WDR11: variants seen among roughly 807,000 people sequenced by gnomAD.
The protein encoded by WDR11 is WD repeat-containing protein 11.
A neutral mutation model predicts 151.2 loss-of-function variants in WDR11; 83 were observed. That is an observed-to-expected ratio of 0.55 (90% CI 0.46 to 0.66). WDR11 has a LOEUF of 0.66. WDR11 is among the 30% of genes least tolerant of loss of function. WDR11 has a pLI of 0.00. For missense variants in WDR11, 1,301 were observed against 1,480.9 expected (o/e 0.88, Z 1.99); for synonymous variants, 484 against 533.1 (o/e 0.91, Z 1.27).
At chr10:120,859,502 C>T (rs939542370) in intron 3 of WDR11, among the ~76,000 whole-genome samples, 1 of 151,980 alleles carries the variant, frequency 6.6e-6, no homozygotes, top group Non-Finnish European at 1.5e-5. Context: ...CTCCTGACTT[C>T]GTGATCCACC....
rs1376470964 is a variant in WDR11, at chr10:120,865,730, C to T, written c.980C>T (p.Ser327Leu). The T allele has an allele frequency of 6.2e-7, 1 of 1,600,038 alleles. No individual in the cohort carries two copies. The highest frequency in any genetic ancestry group is 8.6e-7 in the Non-Finnish European group (1 of 1,169,512). Residue 327 changes from serine to leucine, a missense_variant, in exon 7 of 29, where the codon TCA (serine) becomes TTA (leucine). Coordinates refer to ENST00000263461, the MANE Select transcript of WDR11 (RefSeq NM_018117.12). ...RRSYNNIFTT[S>L]NEEPDPDPVQ... ...TCTTATAATAACATTTTTACCACTT[C>T]AAATGAGGAACCAGGTGAGTTTCTG...
chr10:120,902,936 CA>C, intron 22 of WDR11, 118 bp from the exon 23 acceptor site: 1 of 1,064,180 alleles, frequency 9.4e-7, no homozygotes, highest in Non-Finnish European at 1.4e-6. Flanking sequence ...TGTCAGGCCC[CA>C]TGCCAGTATC....
At chr10:120,895,066 C>G (rs1355728795) in intron 19 of WDR11, among the ~76,000 whole-genome samples, 2 of 152,154 alleles carry the variant, frequency 1.3e-5, no homozygotes, top group Non-Finnish European at 2.9e-5. Flanking sequence ...TAAATGTTGT[C>G]TTGCTTGCAT....
At chr10:120,889,475 C>CA (rs1847344659) in intron 17 of WDR11, 1 of 398,386 alleles carries the variant, frequency 2.5e-6, no homozygotes, top group Non-Finnish European at 4.7e-6. Context: ...CTCCTGACCT[C>CA]GTGATCCGCC....
In WDR11 at chr10:120,883,883, G is replaced by A. The variant is rs201317840; in HGVS notation, c.1843G>A (p.Ala615Thr). ...GTCCAAAAACTTCCCTACAATAACT[G>A]CTTTGGTAAGTTACAATTTAAGAAT... is the stretch of plus-strand genomic sequence containing the variant. The part of the protein sequence containing the change: ...EMSKNFPTIT[A>T]LEWSPSHNLK... Residue 615 changes from alanine (A) to threonine (T), a missense_variant, in exon 14 of 29, where the codon GCT becomes ACT. Around this residue, in one of 3 missense-constraint regions of WDR11, gnomAD observed 692 missense variants for 762.5 expected, o/e 0.91. Transcript: ENST00000263461. The A allele has an allele frequency of 1.9e-6, 3 of 1,609,766 alleles. No homozygotes were observed. The East Asian group carries it at 6.7e-5, about 36-fold the overall frequency.
At chr10:120,855,900 G>GT (rs1052993929) in intron 2 of WDR11, among the ~76,000 whole-genome samples, 2 of 152,150 alleles carry the variant, frequency 1.3e-5, no homozygotes, top group Non-Finnish European at 2.9e-5. Flanking sequence ...GAATGGGAGA[G>GT]TAGTGAGAGG....
chr10:120,885,280 T>C (rs1550349), intron 14 of WDR11, among the ~76,000 whole-genome samples: 37,893 of 129,108 alleles, frequency 0.29, 4,939 homozygotes, highest in East Asian at 0.41. Flanking sequence ...AGTATATATA[T>C]ATATATACAC....
chr10:120,858,551 T>C (rs968201231), intron 2 of WDR11, 92 bp from the exon 3 acceptor site: 1 of 1,432,468 alleles, frequency 7.0e-7, no homozygotes, highest in African/African-American at 1.4e-5. Context: ...GTAATATAAA[T>C]GTAGTATGGG....
At chr10:120,881,721 C>T (rs150637707) in intron 13 of WDR11, among the ~76,000 whole-genome samples, 81 of 152,108 alleles carry the variant, frequency 5.3e-4, no homozygotes, top group African/African-American at 1.9e-3. Context: ...GCCTTGTGAC[C>T]ATGCTAAGCT....
chr10:120,881,749 A>G (rs933637555), intron 13 of WDR11, among the ~76,000 whole-genome samples: 1 of 152,114 alleles, frequency 6.6e-6, no homozygotes, highest in Non-Finnish European at 1.5e-5. Flanking sequence ...TACTTCTAGT[A>G]TAGGTGCTTT....
chr10:120,876,702 G>A (rs150010713), intron 11 of WDR11, among the ~76,000 whole-genome samples: 11 of 152,178 alleles, frequency 7.2e-5, no homozygotes, highest in East Asian at 3.9e-4. Context: ...CTAACCAATC[G>A]AAACTCTCCA....
At chr10:120,889,845 A>C in intron 17 of WDR11, 50 bp from the exon 18 acceptor site, 1 of 1,255,208 alleles carries the variant, frequency 8.0e-7, no homozygotes. Flanking sequence ...GCTTCTGGTG[A>C]CCAGATCTCA....
chr10:120,897,652 AGCTGACCAG>A (rs1328082620), intron 19 of WDR11, among the ~76,000 whole-genome samples: 20 of 152,306 alleles, frequency 1.3e-4, no homozygotes, highest in East Asian at 1.2e-3. Flanking sequence ...TCTCCACAGC[AGCTGACCAG>A]GACTCTTCAA....
chr10:120,860,629 C>T (rs1846107084), intron 4 of WDR11, among the ~76,000 whole-genome samples: 1 of 152,206 alleles, frequency 6.6e-6, no homozygotes, highest in African/African-American at 2.4e-5. Context: ...GGGTTTCATT[C>T]AGTCTGTGGC....
chr10:120,891,538 TAC>T (rs1252895661), intron 19 of WDR11, among the ~76,000 whole-genome samples: 8 of 152,144 alleles, frequency 5.3e-5, no homozygotes, highest in Admixed American at 5.2e-4. Context: ...GCTGATGCAA[TAC>T]AGTGTTCATC....
At chr10:120,862,561 G>A (rs757578309) in intron 4 of WDR11, 174 bp from the exon 5 acceptor site, 8 of 657,308 alleles carry the variant, frequency 1.2e-5, no homozygotes, top group Non-Finnish European at 1.8e-5. Flanking sequence ...AATTGTAATG[G>A]ACCACCTGTT....
chr10:120,899,567 G>A (rs1275981260), intron 19 of WDR11, among the ~76,000 whole-genome samples: 3 of 152,024 alleles, frequency 2.0e-5, no homozygotes, highest in Admixed American at 1.3e-4. Context: ...CAGATCACCT[G>A]AGGTCAGGAG....
At chr10:120,874,905 G>T (rs964657464) in intron 11 of WDR11, among the ~76,000 whole-genome samples, 2 of 150,900 alleles carry the variant, frequency 1.3e-5, no homozygotes, top group East Asian at 3.9e-4. Flanking sequence ...CTGTCAACCC[G>T]TCATCTAGGT....
intron 19 of WDR11, among the ~76,000 whole-genome samples, chr10:120,898,700 GCC>G (rs1694425260): frequency 6.6e-6 from 1 of 152,142 alleles, no homozygotes; most frequent in African/African-American, 2.4e-5. Flanking sequence ...TGTGGCACTT[GCC>G]CCCTCGCTGG....
Sources: gnomAD v4.1 joint callset for allele counts (sites outside exome capture counted in the v4.1 genomes callset) on GRCh38, gnomAD v4.1.1 for gene constraint, gnomAD v4.1.1 regional missense constraint, MANE v1.5 for transcripts, NCBI Gene and HGNC (gene_info 2026-07-23, HGNC 2026-07-21) for gene names.